The following LRRK2 variants were observed in gnomAD, a reference collection of about 807,000 sequenced individuals.
LRRK2 encodes the protein leucine rich repeat kinase 2.
A neutral mutation model predicts 302.6 loss-of-function variants in LRRK2; 203 were observed. The ratio of observed to expected loss-of-function variants is 0.67; its 90% CI spans 0.60 to 0.75. The LOEUF is 0.75. Ranked by LOEUF, LRRK2 falls within the 30% of genes least tolerant of loss-of-function variation. The pLI, the probability that LRRK2 is intolerant of heterozygous loss-of-function variation, is 0.00. For missense variants in LRRK2, 2,830 were observed against 2,951.0 expected (o/e 0.96, Z 0.95); for synonymous variants, 1,066 against 1,031.9 (o/e 1.03, Z -0.63).
chr12:40,282,139 C>CTT (rs1421869586), intron 18 of LRRK2, among the ~76,000 whole-genome samples: 1 of 121,974 alleles, frequency 8.2e-6, no homozygotes, highest in East Asian at 2.8e-4. Flanking sequence ...CCTCCCCTCC[C>CTT]CTCCCTTCTC....
intron 20 of LRRK2, among the ~76,000 whole-genome samples, chr12:40,289,962 A>G (rs1944078057): frequency 6.6e-6 from 1 of 151,732 alleles, no homozygotes; most frequent in Admixed American, 6.6e-5. Flanking sequence ...GACCTCCAGT[A>G]CTATGTTGAA....
chr12:40,285,682 G>A (rs1943897140), intron 19 of LRRK2, among the ~76,000 whole-genome samples: 1 of 151,654 alleles, frequency 6.6e-6, no homozygotes, highest in South Asian at 2.1e-4. Flanking sequence ...AAAAACCTAA[G>A]TATTCCCCAA....
At chr12:40,289,314 A>G (rs1267655024) in intron 20 of LRRK2, among the ~76,000 whole-genome samples, 1 of 151,740 alleles carries the variant, frequency 6.6e-6, no homozygotes, top group African/African-American at 2.4e-5. Context: ...CTCTAGCTTA[A>G]TAGCAGTTCT....
At chr12:40,337,632 A>C (rs1945914161) in intron 40 of LRRK2, among the ~76,000 whole-genome samples, 1 of 152,116 alleles carries the variant, frequency 6.6e-6, no homozygotes, top group South Asian at 2.1e-4. Flanking sequence ...TTTTTATGCC[A>C]CTCCTGCTGT....
Position 40,323,360 on chromosome 12 carries a change from T to G in LRRK2, c.5656+54T>G, listed in dbSNP as rs778104726. On this transcript the variant is annotated intron_variant, in intron 38 of 50. Coordinates refer to ENST00000298910, the MANE Select transcript of LRRK2 (RefSeq NM_198578.4). ...AAATTAGGATGTAATTTTCTCCTTA[T>G]AATTTAGAAAATAGATTTCATAATT... The G allele has an allele frequency of 1.2e-5, 17 of 1,432,596 alleles. No individual in the cohort carries two copies. In the South Asian group the frequency reaches 1.8e-4, roughly 16 times the overall value. 88.7% of individuals were successfully genotyped at this position (1,432,596 alleles called of 1,614,324 possible).
chr12:40,291,685 AG>A (rs1295393079), intron 20 of LRRK2, among the ~76,000 whole-genome samples: 1 of 151,926 alleles, frequency 6.6e-6, no homozygotes, highest in Non-Finnish European at 1.5e-5. Context: ...CTGAAAAGAA[AG>A]TATATTCAGC....
chr12:40,298,638 G>A, intron 24 of LRRK2, 145 bp downstream of exon 24: 8 of 1,001,728 alleles, frequency 8.0e-6, no homozygotes, highest in Non-Finnish European at 1.2e-5. Flanking sequence ...CCAGCGTGGT[G>A]GTGCGCACCT....
At position 40,306,062 on chromosome 12, in the gene LRRK2, A is replaced by G. The variant is rs1208471772; in HGVS notation, c.3959+96A>G. On this transcript the variant is annotated intron_variant, in intron 28 of 50. Transcript: ENST00000298910. ...GACATATATTGTTACTATTTAGGGAAAAATAAATAGTAATATTTGGCATTA... is the reference window on the plus strand; with the variant it reads ...GACATATATTGTTACTATTTAGGGAGAAATAAATAGTAATATTTGGCATTA... 4 of 938,788 alleles carry G rather than the reference A, an allele frequency of 4.3e-6. No individual in the cohort carries two copies. The African/African-American group carries it at 6.7e-5, about 16-fold the overall frequency. The allele number at this position is 938,788 out of a possible 1,614,324, so 58.2% of individuals were successfully genotyped here.
intron 3 of LRRK2, among the ~76,000 whole-genome samples, chr12:40,234,137 C>T (rs1315114441): frequency 1.3e-5 from 2 of 152,090 alleles, no homozygotes; most frequent in Non-Finnish European, 2.9e-5. Flanking sequence ...GGAAGGCTGG[C>T]AGAGAATCGA....
intron 7 of LRRK2, 139 bp from the exon 8 acceptor site, chr12:40,249,687 T>C (rs1030507843): frequency 1.1e-4 from 103 of 928,236 alleles, no homozygotes; most frequent in Non-Finnish European, 1.4e-4. Context: ...CATATTAAGC[T>C]ATTTTAATTA....
chr12:40,257,171 A>T, intron 11 of LRRK2, 77 bp from the exon 12 acceptor site: 2 of 1,079,124 alleles, frequency 1.9e-6, no homozygotes, highest in Non-Finnish European at 1.4e-6. Context: ...TTTGGACTAT[A>T]TTAATATTCT....
chr12:40,254,634 C>T (rs778798085), intron 11 of LRRK2, among the ~76,000 whole-genome samples: 7 of 152,160 alleles, frequency 4.6e-5, no homozygotes, highest in Non-Finnish European at 1.0e-4. Flanking sequence ...TTGGTGACAT[C>T]ATTCATAACC....
intron 45 of LRRK2, among the ~76,000 whole-genome samples, chr12:40,355,048 G>A (rs1013334782): frequency 6.6e-6 from 1 of 152,118 alleles, no homozygotes; most frequent in Non-Finnish European, 1.5e-5. Flanking sequence ...TTGTAGGTTG[G>A]TGACTGTAAT....
intron 38 of LRRK2, among the ~76,000 whole-genome samples, chr12:40,326,743 A>T (rs987552645): frequency 2.6e-5 from 4 of 152,126 alleles, no homozygotes; most frequent in African/African-American, 9.7e-5. Context: ...AGTATGTAAC[A>T]GTTCCCTCTG....
chr12:40,346,043 T>C (rs1275305768), intron 41 of LRRK2, among the ~76,000 whole-genome samples: 1 of 152,210 alleles, frequency 6.6e-6, no homozygotes. Flanking sequence ...TGGATGTCTT[T>C]AGGTTGATTA....
intron 6 of LRRK2, among the ~76,000 whole-genome samples, chr12:40,242,766 C>T (rs1941788183): frequency 7.5e-6 from 1 of 132,596 alleles, no homozygotes; most frequent in Non-Finnish European, 1.6e-5. Context: ...AGTTTACAGT[C>T]CCACCAACAG....
intron 46 of LRRK2, among the ~76,000 whole-genome samples, chr12:40,359,000 T>G (rs1402844913): frequency 8.8e-6 from 1 of 113,964 alleles, no homozygotes; most frequent in Non-Finnish European, 2.0e-5. Context: ...GGGATTGCTT[T>G]CTTGATTTTT....
chr12:40,295,569 T>C lies in LRRK2; in HGVS notation c.3021T>C (p.Ser1007=), dbSNP rs55783828. 50 of 1,613,950 alleles carry C rather than the reference T, an allele frequency of 3.1e-5. 1 individual carries two copies. The South Asian group carries it at 5.3e-4, about 17-fold the overall frequency. Reference sequence around the variant, plus strand: ...CCCTAAGCCAGAAATGCTGTATAAGTGTTCATTTGGAGCATCTTGAAAAGC... The same window carrying C: ...CCCTAAGCCAGAAATGCTGTATAAGCGTTCATTTGGAGCATCTTGAAAAGC... ...IDALSQKCCI[S]VHLEHLEKLE... The change falls in exon 23 of 51, where the codon AGT becomes AGC. Residue 1007 remains serine (S), a synonymous_variant. Coordinates refer to ENST00000298910, the MANE Select transcript of LRRK2 (RefSeq NM_198578.4).
chr12:40,360,480 G>A (rs1946669136), intron 47 of LRRK2, among the ~76,000 whole-genome samples: 1 of 151,848 alleles, frequency 6.6e-6, no homozygotes. Context: ...CTCAGTGCTG[G>A]TACCATGGGC....
Sources: allele counts gnomAD v4.1 joint callset (sites outside exome capture counted in the v4.1 genomes callset), GRCh38; gene constraint gnomAD v4.1.1; transcripts MANE v1.5; gene names NCBI Gene and HGNC (gene_info 2026-07-23, HGNC 2026-07-21).